SDK2: variants seen among roughly 807,000 people sequenced by gnomAD.
The protein encoded by SDK2 is protein sidekick-2.
Under a neutral mutation model 253.9 loss-of-function variants are expected in SDK2, and 105 were observed. The observed-to-expected ratio is 0.41, with a 90% confidence interval of 0.35 to 0.49. The LOEUF (loss-of-function observed/expected upper bound fraction) is 0.49, where lower values mean the gene tolerates loss of function less well. Among genes scored for constraint, SDK2 ranks in the 20% least tolerant of loss-of-function variants. The probability of loss-of-function intolerance (pLI) is 0.06; values close to 1 mark genes in which losing one functional copy is unlikely to be tolerated. For synonymous variants in SDK2, 1,249 were observed against 1,234.9 expected (o/e 1.01, Z -0.24); for missense variants, 2,608 against 3,003.0 (o/e 0.87, Z 3.07).
intron 1 of SDK2, among the ~76,000 whole-genome samples, chr17:73,535,598 C>T (rs2044759701): frequency 6.6e-6 from 1 of 152,208 alleles, no homozygotes; most frequent in Non-Finnish European, 1.5e-5. Context: ...GCCCTGATTG[C>T]CCACCATTGC....
chr17:73,445,506 C>T (rs959298992), intron 5 of SDK2, among the ~76,000 whole-genome samples: 1 of 152,162 alleles, frequency 6.6e-6, no homozygotes, highest in African/African-American at 2.4e-5. Context: ...CAGACTTGCT[C>T]TTTCCTTCTC....
chr17:73,634,603 G>C (rs1270915197), intron 1 of SDK2, among the ~76,000 whole-genome samples: 2 of 152,236 alleles, frequency 1.3e-5, no homozygotes, highest in African/African-American at 4.8e-5. Flanking sequence ...GCTGGAGACA[G>C]AGAATGTCTT....
intron 22 of SDK2, among the ~76,000 whole-genome samples, chr17:73,398,822 CAG>C (rs1284017647): frequency 2.0e-5 from 3 of 152,156 alleles, no homozygotes; most frequent in East Asian, 1.9e-4. Flanking sequence ...AAATCAGAAT[CAG>C]AGTTTCTGGG....
intron 1 of SDK2, among the ~76,000 whole-genome samples, chr17:73,581,051 G>T (rs966973545): frequency 6.8e-6 from 1 of 146,374 alleles, no homozygotes; most frequent in Non-Finnish European, 1.5e-5. Context: ...TGTATTTTTT[G>T]GTTTTTTTTT....
chr17:73,614,873 G>A lies in SDK2; in HGVS notation c.64+29152C>T, dbSNP rs1599728029. On this transcript the variant is annotated intron_variant, in intron 1 of 44. Transcript: ENST00000392650. ...CAAGGATTGAAAAACTACCTATCAG[G>A]TACTAGGTTCCCTTTTTGGGTGACA... 2.0e-5 allele frequency among the ~76,000 whole-genome samples: 3 copies of A among 151,958 alleles called. No homozygotes were observed. The South Asian group carries it at 6.3e-4, about 32-fold the overall frequency.
Position 73,395,050 on chromosome 17 carries a change from T to C in SDK2, c.3592+105A>G. Reference sequence around the variant, plus strand: ...AAGCAGAGGAAATGAGCTCAGGCTGTTTTTGAACAACACCTTCAGCCTGGC... The same window carrying C: ...AAGCAGAGGAAATGAGCTCAGGCTGCTTTTGAACAACACCTTCAGCCTGGC... On this transcript the variant is annotated intron_variant, in intron 25 of 44. Transcript: ENST00000392650. The surrounding 1 kb of genome is among the most constrained non-coding windows in gnomAD (Gnocchi z 4.3). 1.2e-6 allele frequency: 1 copy of C among 855,020 alleles called. No individual in the cohort carries two copies. The highest frequency in any genetic ancestry group is 2.7e-5 in the East Asian group (1 of 37,524). The allele number at this position is 855,020 out of a possible 1,614,324, so 53.0% of individuals were successfully genotyped here.
intron 1 of SDK2, among the ~76,000 whole-genome samples, chr17:73,578,976 C>T (rs2045495582): frequency 6.6e-6 from 1 of 152,172 alleles, no homozygotes; most frequent in South Asian, 2.1e-4. Flanking sequence ...GCTTCCTCTC[C>T]AGCGTGGTCT....
chr17:73,500,465 A>T (rs57092434), intron 2 of SDK2, among the ~76,000 whole-genome samples: 4 of 133,992 alleles, frequency 3.0e-5, no homozygotes, highest in East Asian at 2.4e-4. Flanking sequence ...TCCATCCTCC[A>T]TCCATCCTCC....
intron 18 of SDK2, among the ~76,000 whole-genome samples, chr17:73,412,128 ATG>A (rs1456892921): frequency 5.2e-5 from 2 of 38,606 alleles, no homozygotes; most frequent in East Asian, 3.8e-4. Context: ...ATACGTATAT[ATG>A]TGTATGTGTA....
chr17:73,638,806 C>CTTTTT (rs1223522657), intron 1 of SDK2, among the ~76,000 whole-genome samples: 6 of 138,990 alleles, frequency 4.3e-5, no homozygotes, highest in Non-Finnish European at 6.2e-5. Flanking sequence ...AGATAACAGT[C>CTTTTT]TTTTTTTTTT....
At chr17:73,500,179 C>T (rs2063876482) in intron 2 of SDK2, among the ~76,000 whole-genome samples, 1 of 142,318 alleles carries the variant, frequency 7.0e-6, no homozygotes, top group Non-Finnish European at 1.5e-5. Context: ...ATCCTCCCTC[C>T]ATTCTCCTCC....
chr17:73,590,226 G>A (rs2045663544), intron 1 of SDK2, among the ~76,000 whole-genome samples: 2 of 152,190 alleles, frequency 1.3e-5, no homozygotes, highest in Admixed American at 6.5e-5. Flanking sequence ...AGGTACGGCT[G>A]GACCAGAGGG....
chr17:73,437,616 C>T lies in SDK2; in HGVS notation c.1000+123G>A, dbSNP rs1173155209. On this transcript the variant is annotated intron_variant, in intron 8 of 44. Coordinates refer to ENST00000392650, the MANE Select transcript of SDK2 (RefSeq NM_001144952.2). ...TGGGGTGCCTGCTCAGACAGCCAGACAGACTCTCTGCCTAGTGACATGGTC... is the reference window on the plus strand; with the variant it reads ...TGGGGTGCCTGCTCAGACAGCCAGATAGACTCTCTGCCTAGTGACATGGTC... The T allele has an allele frequency of 5.2e-6, 4 of 771,124 alleles. No individual in the cohort carries two copies. The African/African-American group carries it at 7.9e-5, about 15-fold the overall frequency. 47.8% of individuals were successfully genotyped at this position (771,124 alleles called of 1,614,324 possible).
chr17:73,360,535 T>A (rs1303074587), intron 39 of SDK2, among the ~76,000 whole-genome samples: 1 of 151,770 alleles, frequency 6.6e-6, no homozygotes, highest in East Asian at 1.9e-4. Flanking sequence ...GACTTTTGTG[T>A]TCAGGACAGG....
In SDK2 at chr17:73,395,390, A is replaced by G. The variant is rs1306079015; in HGVS notation, c.3357T>C (p.Pro1119=). Residue 1119 remains proline, a splice_region_variant and synonymous_variant, in exon 25 of 45, where the codon CCT becomes CCC. Coordinates refer to ENST00000392650, the MANE Select transcript of SDK2 (RefSeq NM_001144952.2). The surrounding 1 kb of genome is among the most constrained non-coding windows in gnomAD (Gnocchi z 4.3). Reference sequence around the variant, plus strand: ...TCCCATTGTATTCCATCTCCGGGAGAGGCTGCAGCGGGGCAGGGGTGGCAA... The same window carrying G: ...TCCCATTGTATTCCATCTCCGGGAGGGGCTGCAGCGGGGCAGGGGTGGCAA... The part of the protein sequence containing the change: ...SETSLWLRWM[P]LPEMEYNGNP... 1 of 1,613,236 alleles carries G rather than the reference A, an allele frequency of 6.2e-7. No individual in the cohort carries two copies. The highest frequency in any genetic ancestry group is 8.5e-7 in the Non-Finnish European group (1 of 1,179,532).
intron 22 of SDK2, 114 bp downstream of exon 22, chr17:73,399,054 C>A: frequency 1.0e-6 from 1 of 1,000,802 alleles, no homozygotes; most frequent in Non-Finnish European, 1.5e-6. Context: ...TATAATGGGC[C>A]ATTGAGAGCT....
At chr17:73,640,840 C>T (rs911351743) in intron 1 of SDK2, among the ~76,000 whole-genome samples, 1 of 152,194 alleles carries the variant, frequency 6.6e-6, no homozygotes, top group Non-Finnish European at 1.5e-5. Flanking sequence ...AGGCATGATT[C>T]TCTTGAAAGA....
intron 1 of SDK2, chr17:73,517,434 A>G (rs1293761848): frequency 6.6e-6 from 1 of 152,124 alleles, no homozygotes; most frequent in East Asian, 1.9e-4. Flanking sequence ...GAGACACACA[A>G]GGAGAAGACA....
chr17:73,385,818 A>G (rs1056113173), intron 32 of SDK2, 29 bp downstream of exon 32: 2 of 1,581,646 alleles, frequency 1.3e-6, no homozygotes, highest in Non-Finnish European at 1.7e-6. Flanking sequence ...CTGGGTCTTC[A>G]CGGAGGTTTC....
Sources: gnomAD v4.1 joint callset for allele counts (sites outside exome capture counted in the v4.1 genomes callset) on GRCh38, gnomAD v4.1.1 for gene constraint, Gnocchi (gnomAD v3.1) non-coding constraint, MANE v1.5 for transcripts, NCBI Gene and HGNC (gene_info 2026-07-23, HGNC 2026-07-21) for gene names.